The following APBB1IP variants were observed in gnomAD, a reference collection of about 807,000 sequenced individuals.
APBB1IP encodes the protein amyloid beta A4 precursor protein-binding family B member 1-interacting protein.
A neutral mutation model predicts 64.9 loss-of-function variants in APBB1IP; 27 were observed. That is an observed-to-expected ratio of 0.42 (90% CI 0.31 to 0.57). APBB1IP has a LOEUF of 0.57. Among genes scored for constraint, APBB1IP ranks in the 20% least tolerant of loss-of-function variants. APBB1IP has a pLI of 0.20. For missense variants in APBB1IP, 812 were observed against 845.5 expected (o/e 0.96, Z 0.49); for synonymous variants, 392 against 331.0 (o/e 1.18, Z -2.00).
At chr10:26,511,226 C>G (rs1836255075) in intron 6 of APBB1IP, among the ~76,000 whole-genome samples, 1 of 152,118 alleles carries the variant, frequency 6.6e-6, no homozygotes, top group African/African-American at 2.4e-5. Context: ...CACCTGTAAT[C>G]CCAACTACTA....
chr10:26,508,777 T>C (rs1247901708), intron 6 of APBB1IP, among the ~76,000 whole-genome samples: 2 of 152,178 alleles, frequency 1.3e-5, no homozygotes, highest in African/African-American at 2.4e-5. Context: ...AATTCTATAA[T>C]TGTGGACATT....
rs147458377 is a variant in APBB1IP at position 26,527,755 on chromosome 10, C to T, written c.814-5684C>T. Among the ~76,000 whole-genome samples the T allele has an allele frequency of 3.6e-3, 520 of 144,532 alleles. 4 individuals are homozygous for T. The highest frequency in any genetic ancestry group is 0.012 in the African/African-American group (472 of 38,552). The allele number at this position is 144,532 out of a possible 152,430, so 94.8% of individuals were successfully genotyped here. ...TGGCCCAGGCTGGAGTGCAATGGCA[C>T]GATCTCGGCTCACTGCAACCTCTGC... is the stretch of plus-strand genomic sequence containing the variant. On this transcript the variant is annotated intron_variant, in intron 8 of 14. Coordinates refer to ENST00000376236, the MANE Select transcript of APBB1IP (RefSeq NM_019043.4).
chr10:26,544,899 G>A (rs1564374546), intron 11 of APBB1IP, among the ~76,000 whole-genome samples: 1 of 152,234 alleles, frequency 6.6e-6, no homozygotes, highest in Non-Finnish European at 1.5e-5. Flanking sequence ...ACAAGAGAGA[G>A]TTGAGGATCT....
At chr10:26,479,369 A>G (rs960650982) in intron 2 of APBB1IP, among the ~76,000 whole-genome samples, 3 of 152,098 alleles carry the variant, frequency 2.0e-5, no homozygotes, top group African/African-American at 7.2e-5. Flanking sequence ...AACCTAAAAT[A>G]ATTTTTTAAA....
chr10:26,537,173 T>C (rs918257022), intron 10 of APBB1IP, among the ~76,000 whole-genome samples: 3 of 151,512 alleles, frequency 2.0e-5, no homozygotes, highest in African/African-American at 7.3e-5. Flanking sequence ...CCGTCTTTTG[T>C]TCACCATTAA....
At position 26,500,941 on chromosome 10, in the gene APBB1IP, C is replaced by G; in HGVS notation, c.283C>G (p.His95Asp). 6.2e-7 allele frequency: 1 copy of G among 1,614,184 alleles called. No homozygotes were observed. The highest frequency in any genetic ancestry group is 8.5e-7 in the Non-Finnish European group (1 of 1,180,030). ...AQKESLQNQH[H>D]SASLQASIFS... The stretch of plus-strand genomic sequence containing the variant: ...GAAAGAGTCCTTGCAGAATCAACAT[C>G]ATTCAGCATCTCTACAAGCATCAAT... The change falls in exon 5 of 15, where the codon CAT (histidine) becomes GAT (aspartate). Residue 95 changes from histidine to aspartate, a missense_variant. Around this residue, in one of 3 missense-constraint regions of APBB1IP, gnomAD observed 394 missense variants for 413.1 expected, o/e 0.95. Transcript: ENST00000376236.
rs1439407712 is a variant in APBB1IP, at chr10:26,560,780, A to T, written c.1305A>T (p.Gly435=). 1.9e-6 allele frequency: 3 copies of T among 1,607,708 alleles called. No homozygotes were observed. The South Asian group carries it at 3.3e-5, about 18-fold the overall frequency. The change falls in exon 13 of 15, where the codon GGA becomes GGT. Residue 435 remains glycine (G), a synonymous_variant. Coordinates refer to ENST00000376236, the MANE Select transcript of APBB1IP (RefSeq NM_019043.4). ...ACCAGCGGGCTGTGGCAAAGGCTGG[A>T]CTTGCCTCTCGGTGGACAAACTTGG... ...DNYQRAVAKA[G]LASRWTNLGT...
chr10:26,558,615 TAAAA>T (rs535098612), intron 11 of APBB1IP, among the ~76,000 whole-genome samples: 2 of 131,248 alleles, frequency 1.5e-5, no homozygotes, highest in African/African-American at 2.8e-5. Context: ...AGTGTTTCTT[TAAAA>T]AAAAAAAAAA....
Position 26,498,247 on chromosome 10 carries a change from G to T in APBB1IP, c.160+1856G>T, listed in dbSNP as rs535454824. 3.9e-5 allele frequency among the ~76,000 whole-genome samples: 6 copies of T among 152,126 alleles called. No individual in the cohort carries two copies. The South Asian group carries it at 1.2e-3, about 32-fold the overall frequency. ...AAGCAGGCCAGGCGTGGTGGCTCTT[G>T]CCTATAATCCCAGCACTTTGGGAGG... On this transcript the variant is annotated intron_variant, in intron 4 of 14. Transcript: ENST00000376236.
At position 26,566,993 on chromosome 10, in the gene APBB1IP, C is replaced by T. The variant is rs763639873; in HGVS notation, c.1506C>T (p.Asp502=). The change falls in exon 15 of 15, where the codon GAC becomes GAT. Residue 502 remains aspartate (D), a synonymous_variant. Coordinates refer to ENST00000376236, the MANE Select transcript of APBB1IP (RefSeq NM_019043.4). The stretch of plus-strand genomic sequence containing the variant: ...AGCCAGCCCTCGGGAACCACCACGA[C>T]CCGGCAGTGCCCCGGGCCCCGCACG... The part of the protein sequence containing the change: ...DKKPALGNHH[D]PAVPRAPHAP... 24 of 1,580,828 alleles carry T rather than the reference C, an allele frequency of 1.5e-5. No homozygotes were observed. In the Admixed American group the frequency reaches 3.9e-4, roughly 26 times the overall value.
intron 2 of APBB1IP, among the ~76,000 whole-genome samples, chr10:26,478,907 T>A (rs544889401): frequency 6.6e-6 from 1 of 152,006 alleles, no homozygotes; most frequent in African/African-American, 2.4e-5. Flanking sequence ...GGGTGGGAGA[T>A]GAAGTCTCCC....
chr10:26,474,078 G>A (rs1034211797), intron 2 of APBB1IP, among the ~76,000 whole-genome samples: 1 of 144,350 alleles, frequency 6.9e-6, no homozygotes, highest in Non-Finnish European at 1.5e-5. Flanking sequence ...TGGTTTCAGT[G>A]ATTTTTTTTA....
chr10:26,506,259 G>A (rs1024982382), intron 6 of APBB1IP, among the ~76,000 whole-genome samples: 1 of 137,772 alleles, frequency 7.3e-6, no homozygotes, highest in South Asian at 2.8e-4. Flanking sequence ...GTGGGGGGGG[G>A]GGGTGGGGGG....
At chr10:26,536,621 T>TCAAAAGATGC in intron 10 of APBB1IP, among the ~76,000 whole-genome samples, 1 of 149,388 alleles carries the variant, frequency 6.7e-6, no homozygotes, top group Middle Eastern at 3.4e-3. Flanking sequence ...TGAGATAGTC[T>TCAAAAGATGC]CACTCTAATC....
chr10:26,444,953 C>T (rs1469787424), intron 2 of APBB1IP, among the ~76,000 whole-genome samples: 2 of 151,852 alleles, frequency 1.3e-5, no homozygotes, highest in Non-Finnish European at 2.9e-5. Flanking sequence ...CAAAAATTAG[C>T]TGGGCATGGT....
At chr10:26,472,832 G>A (rs1033512762) in intron 2 of APBB1IP, among the ~76,000 whole-genome samples, 1 of 152,144 alleles carries the variant, frequency 6.6e-6, no homozygotes, top group African/African-American at 2.4e-5. Flanking sequence ...AGCTACTCAG[G>A]AGGGTGAGGC....
At chr10:26,554,276 G>A (rs1041018035) in intron 11 of APBB1IP, among the ~76,000 whole-genome samples, 1 of 152,206 alleles carries the variant, frequency 6.6e-6, no homozygotes, top group Admixed American at 6.5e-5. Context: ...TTATTGAAGA[G>A]TTCAGGAGAC....
chr10:26,480,380 C>G (rs1835820563), intron 2 of APBB1IP, among the ~76,000 whole-genome samples: 1 of 151,990 alleles, frequency 6.6e-6, no homozygotes, highest in African/African-American at 2.4e-5. Context: ...AGTGAGAAGC[C>G]CTGAAATGTA....
At chr10:26,468,752 A>T (rs922515276) in intron 2 of APBB1IP, among the ~76,000 whole-genome samples, 1 of 152,210 alleles carries the variant, frequency 6.6e-6, no homozygotes, top group African/African-American at 2.4e-5. Context: ...AGCCCAGCTC[A>T]TCGGCTCTTT....
Sources: allele counts gnomAD v4.1 joint callset (sites outside exome capture counted in the v4.1 genomes callset), GRCh38; gene constraint gnomAD v4.1.1; regional missense constraint gnomAD v4.1.1; transcripts MANE v1.5; gene names NCBI Gene and HGNC (gene_info 2026-07-23, HGNC 2026-07-21).